TG: variants seen among roughly 807,000 people sequenced by gnomAD.
TG encodes the protein thyroid hormones.
A neutral mutation model predicts 324.7 loss-of-function variants in TG; 270 were observed. That is an observed-to-expected ratio of 0.83 (90% CI 0.75 to 0.92). TG has a LOEUF of 0.92. Among genes scored for constraint, TG ranks in the 40% least tolerant of loss-of-function variants. The pLI is 0.00. For missense variants in TG, 3,591 were observed against 3,456.4 expected (o/e 1.04, Z -0.98); for synonymous variants, 1,401 against 1,327.0 (o/e 1.06, Z -1.21).
intron 41 of TG, among the ~76,000 whole-genome samples, chr8:133,063,293 C>T (rs1381096729): frequency 4.0e-5 from 6 of 151,822 alleles, no homozygotes; most frequent in African/African-American, 1.5e-4. Context: ...CCCTCCCCTC[C>T]ATCCCCTCCC....
At chr8:133,022,470 C>T (rs1835654519) in intron 40 of TG, among the ~76,000 whole-genome samples, 1 of 152,124 alleles carries the variant, frequency 6.6e-6, no homozygotes, top group African/African-American at 2.4e-5. Flanking sequence ...TAGAAACTGG[C>T]TTAAGACTAT....
At position 133,113,522 on chromosome 8, in the gene TG, C is replaced by A. The variant is rs557866225; in HGVS notation, c.7673C>A (p.Ala2558Asp). The stretch of plus-strand genomic sequence containing the variant: ...GAGGACTCAGATGCCCGCGTCGAGG[C>A]TGCTGCTACATGGTATTACTCTCTG... ...GGEDSDARVE[A>D]AATWYYSLEH... The change falls in exon 44 of 48, where the codon GCT becomes GAT. Residue 2558 changes from alanine to aspartate, a missense_variant. By Grantham distance (126) the Ala-to-Asp change is moderately radical. Coordinates refer to ENST00000220616, the MANE Select transcript of TG (RefSeq NM_003235.5). The A allele has an allele frequency of 3.1e-6, 5 of 1,614,114 alleles. No homozygotes were observed. In the East Asian group the frequency reaches 1.1e-4, roughly 36 times the overall value.
chr8:132,939,357 G>A lies in TG; in HGVS notation c.5042-1994G>A, dbSNP rs79166464. Among the ~76,000 whole-genome samples, 592 of 152,308 alleles carry A rather than the reference G, an allele frequency of 3.9e-3. 3 individuals carry two copies. The highest frequency in any genetic ancestry group is 0.013 in the African/African-American group (535 of 41,566). On this transcript the variant is annotated intron_variant, in intron 25 of 47. Coordinates refer to ENST00000220616, the MANE Select transcript of TG (RefSeq NM_003235.5). ...AGAATCACATGCTGTAGGGGAGGCCGACTCTCTCAAGTAGCTTAAATACAG... is the reference window on the plus strand; with the variant it reads ...AGAATCACATGCTGTAGGGGAGGCCAACTCTCTCAAGTAGCTTAAATACAG...
intron 41 of TG, among the ~76,000 whole-genome samples, chr8:133,040,533 C>T (rs560540097): frequency 6.6e-6 from 1 of 152,324 alleles, no homozygotes; most frequent in East Asian, 1.9e-4. Flanking sequence ...GGGTTTCCCG[C>T]AAATGCCCAA....
chr8:133,079,798 A>G (rs1452278251), intron 41 of TG, among the ~76,000 whole-genome samples: 1 of 152,182 alleles, frequency 6.6e-6, no homozygotes, highest in Non-Finnish European at 1.5e-5. Context: ...TTCATTTGGT[A>G]GAGAAGTTCA....
At chr8:133,053,033 G>C (rs952064353) in intron 41 of TG, among the ~76,000 whole-genome samples, 1 of 152,142 alleles carries the variant, frequency 6.6e-6, no homozygotes, top group Non-Finnish European at 1.5e-5. Context: ...ACATGTGATG[G>C]GCCTTTCTCC....
chr8:132,873,941 T>C (rs1268193076), intron 5 of TG, among the ~76,000 whole-genome samples: 1 of 152,026 alleles, frequency 6.6e-6, no homozygotes, highest in East Asian at 1.9e-4. Context: ...GAGGCTGAGG[T>C]GGGCAGATCA....
chr8:133,091,698 G>A (rs888434415), intron 41 of TG, among the ~76,000 whole-genome samples: 1 of 152,086 alleles, frequency 6.6e-6, no homozygotes, highest in Admixed American at 6.5e-5. Flanking sequence ...GTGTGTTTGT[G>A]TGTCCTTCTG....
chr8:133,016,807 A>G (rs1835064456), intron 37 of TG, among the ~76,000 whole-genome samples: 1 of 152,246 alleles, frequency 6.6e-6, no homozygotes. Context: ...CCTGGGCCCA[A>G]CAAAAGTTTA....
At chr8:133,050,953 CT>C in intron 41 of TG, 1 of 1,241,202 alleles carries the variant, frequency 8.1e-7, no homozygotes, top group Non-Finnish European at 1.2e-6. Flanking sequence ...GGGCAAGGTG[CT>C]TTTTATTCAC....
intron 41 of TG, chr8:133,036,689 G>A (rs1837178089): frequency 6.6e-6 from 1 of 152,574 alleles, no homozygotes; most frequent in African/African-American, 2.4e-5. Context: ...GCTTCTGAAT[G>A]AACCACCCAT....
At chr8:133,020,678 A>G (rs1835478149) in intron 39 of TG, among the ~76,000 whole-genome samples, 1 of 151,918 alleles carries the variant, frequency 6.6e-6, no homozygotes, top group Non-Finnish European at 1.5e-5. Flanking sequence ...AGAGGAAGAG[A>G]CTCCAGGTCA....
chr8:132,923,621 T>C (rs1821414391), intron 22 of TG, 113 bp downstream of exon 22: 1 of 1,301,714 alleles, frequency 7.7e-7, no homozygotes, highest in Non-Finnish European at 1.0e-6. Context: ...CTTTTTGTTT[T>C]GAAAAATTTT....
chr8:132,990,920 T>G (rs1194684808), intron 35 of TG, among the ~76,000 whole-genome samples: 2 of 151,570 alleles, frequency 1.3e-5, no homozygotes, highest in African/African-American at 4.8e-5. Context: ...GGCCAGTTTT[T>G]TTTTTTTTTT....
intron 35 of TG, among the ~76,000 whole-genome samples, chr8:132,990,859 C>T (rs371623057): frequency 4.0e-5 from 6 of 151,454 alleles, no homozygotes; most frequent in East Asian, 1.9e-4. Context: ...TGGTGGCTGT[C>T]GCTGCTCCAG....
intron 25 of TG, among the ~76,000 whole-genome samples, chr8:132,939,584 A>G (rs1824120590): frequency 6.6e-6 from 1 of 152,034 alleles, no homozygotes; most frequent in Non-Finnish European, 1.5e-5. Context: ...GGCTTTTTGG[A>G]GATACATAAA....
intron 43 of TG, chr8:133,102,699 A>T: frequency 1.2e-6 from 1 of 809,342 alleles, no homozygotes; most frequent in South Asian, 1.6e-5. Context: ...AACTGGTGAA[A>T]TTGACAGTCT....
At chr8:133,040,471 A>T in intron 41 of TG, 1 of 271,634 alleles carries the variant, frequency 3.7e-6, no homozygotes, top group East Asian at 8.1e-5. Flanking sequence ...TCAACTGCAG[A>T]ATGAAAGAAA....
At chr8:133,053,330 A>G (rs1840777633) in intron 41 of TG, among the ~76,000 whole-genome samples, 1 of 152,242 alleles carries the variant, frequency 6.6e-6, no homozygotes, top group Non-Finnish European at 1.5e-5. Context: ...GGAGGGCAGA[A>G]TACTGGTGTC....
Sources: gnomAD v4.1 joint callset for allele counts (sites outside exome capture counted in the v4.1 genomes callset) on GRCh38, gnomAD v4.1.1 for gene constraint, MANE v1.5 for transcripts, NCBI Gene and HGNC (gene_info 2026-07-23, HGNC 2026-07-21) for gene names.